Variants in PCNX2 observed in about 807,000 individuals in gnomAD.
The protein encoded by PCNX2 is pecanex 2, also known as pecanex-like protein 2.
PCNX2 carries 168 observed loss-of-function variants against 223.8 expected under a neutral mutation model. The observed-to-expected ratio is 0.75, with a 90% CI of 0.66 to 0.85. PCNX2 has a LOEUF of 0.85. Ranked by LOEUF, PCNX2 falls within the 40% of genes least tolerant of loss-of-function variation. The probability of loss-of-function intolerance (pLI) is 0.00; values close to 1 mark genes in which losing one functional copy is unlikely to be tolerated. For missense variants in PCNX2, 2,507 were observed against 2,675.5 expected (o/e 0.94, Z 1.39); for synonymous variants, 1,006 against 1,052.6 (o/e 0.96, Z 0.86).
At chr1:233,076,488 C>G (rs1673103232) in intron 23 of PCNX2, among the ~76,000 whole-genome samples, 1 of 152,174 alleles carries the variant, frequency 6.6e-6, no homozygotes, top group African/African-American at 2.4e-5. Context: ...TGAGAAGACA[C>G]ATTCTCTGAA....
intron 4 of PCNX2, among the ~76,000 whole-genome samples, chr1:233,259,545 T>A (rs1229260482): frequency 6.6e-6 from 1 of 152,200 alleles, no homozygotes; most frequent in African/African-American, 2.4e-5. Context: ...CCATGGTGGT[T>A]TGGTGCACCT....
rs1678389767 is a variant in PCNX2, at chr1:233,160,288, A to T, written c.3512T>A (p.Val1171Glu). The T allele has an allele frequency of 6.2e-7, 1 of 1,608,518 alleles. No homozygotes were observed. The highest frequency in any genetic ancestry group is 1.4e-5 in the African/African-American group (1 of 73,404). Residue 1171 changes from valine (V) to glutamate (E), a missense_variant, in exon 19 of 34, where the codon GTG becomes GAG. Val to Glu is a moderately radical substitution (Grantham distance 121). Coordinates refer to ENST00000258229, the MANE Select transcript of PCNX2 (RefSeq NM_014801.4). ...ATGAGGGATATATTACTAACCTCTC[A>T]CTTCCCGTTGATGATACTCTTTGTT... ...LKNKEYHQRE[V>E]RDVAHLMWFE...
At position 233,236,847 on chromosome 1, in the gene PCNX2, G is replaced by A. The variant is rs760662776; in HGVS notation, c.2356C>T (p.Arg786Trp). Residue 786 changes from arginine (R) to tryptophan (W), a missense_variant and splice_region_variant, in exon 9 of 34, where the codon CGG becomes TGG. By Grantham distance (101) the Arg-to-Trp change is moderately radical (BLOSUM62 -3). Transcript: ENST00000258229. Reference protein sequence around the residue: ...VARRTQSETPRHVSQDLEASS... With the variant: ...VARRTQSETPWHVSQDLEASS... The stretch of plus-strand genomic sequence containing the variant: ...CAGCAATTCTGGAATGTACGTACCC[G>A]TGGGGTTTCCGACTGGGTCCTGCGA... The A allele has an allele frequency of 4.1e-5, 66 of 1,613,538 alleles. 1 individual carries two copies. The highest frequency in any genetic ancestry group is 3.2e-4 in the South Asian group (29 of 91,060).
chr1:233,046,292 G>A (rs1671820450), intron 25 of PCNX2, among the ~76,000 whole-genome samples: 1 of 152,098 alleles, frequency 6.6e-6, no homozygotes, highest in African/African-American at 2.4e-5. Context: ...CATTATTTTG[G>A]AAAACAGGAA....
intron 13 of PCNX2, among the ~76,000 whole-genome samples, chr1:233,205,229 T>C (rs1366181172): frequency 6.6e-6 from 1 of 152,212 alleles, no homozygotes; most frequent in African/African-American, 2.4e-5. Flanking sequence ...AGACACATCA[T>C]GCTCTTCATG....
intron 22 of PCNX2, among the ~76,000 whole-genome samples, chr1:233,091,791 ACTTT>A (rs1255404519): frequency 6.6e-6 from 1 of 150,880 alleles, no homozygotes; most frequent in Non-Finnish European, 1.5e-5. Flanking sequence ...TTTTTTTAAA[ACTTT>A]CTATTTACTC....
At chr1:233,232,853 T>C (rs1053711110) in intron 9 of PCNX2, 4 of 985,292 alleles carry the variant, frequency 4.1e-6, no homozygotes, top group Non-Finnish European at 4.8e-6. Flanking sequence ...TGCTTGACCG[T>C]CATGCTATCC....
intron 15 of PCNX2, among the ~76,000 whole-genome samples, chr1:233,195,829 C>A (rs750633652): frequency 2.6e-5 from 4 of 152,158 alleles, no homozygotes; most frequent in Non-Finnish European, 5.9e-5. Flanking sequence ...CAAAAAGTTA[C>A]AGTTAAGATG....
intron 13 of PCNX2, among the ~76,000 whole-genome samples, chr1:233,203,045 A>C (rs1286639690): frequency 6.6e-6 from 1 of 152,168 alleles, no homozygotes; most frequent in Non-Finnish European, 1.5e-5. Context: ...TATGGCTACA[A>C]AAGAGAATAA....
At chr1:233,044,800 C>G (rs1671772356) in intron 25 of PCNX2, among the ~76,000 whole-genome samples, 1 of 151,978 alleles carries the variant, frequency 6.6e-6, no homozygotes, top group Admixed American at 6.6e-5. Context: ...TCCCGAGTAG[C>G]TGTGATTACA....
At chr1:233,232,968 A>G in intron 9 of PCNX2, 1 of 985,430 alleles carries the variant, frequency 1.0e-6, no homozygotes, top group Non-Finnish European at 1.2e-6. Context: ...TTAATGTAAG[A>G]CAAGCTGAAT....
At chr1:233,111,522 C>T (rs146737285) in intron 21 of PCNX2, among the ~76,000 whole-genome samples, 2 of 152,238 alleles carry the variant, frequency 1.3e-5, no homozygotes, top group African/African-American at 4.8e-5. Flanking sequence ...GATCATCCCA[C>T]CTCAGCCTCC....
intron 23 of PCNX2, among the ~76,000 whole-genome samples, chr1:233,073,501 T>C (rs1672947375): frequency 6.6e-6 from 1 of 152,160 alleles, no homozygotes; most frequent in Non-Finnish European, 1.5e-5. Context: ...TCTCACTATG[T>C]TGCCCAGGCT....
chr1:233,200,324 G>T, intron 13 of PCNX2, 60 bp from the exon 14 acceptor site: 2 of 1,189,476 alleles, frequency 1.7e-6, no homozygotes, highest in Non-Finnish European at 2.4e-6. Context: ...CAAGGCTCCT[G>T]CTGCAGTGCT....
chr1:233,287,196 G>C (rs1167676781), intron 1 of PCNX2, among the ~76,000 whole-genome samples: 11 of 152,168 alleles, frequency 7.2e-5, no homozygotes, highest in Admixed American at 6.5e-4. Flanking sequence ...AAACACAAGA[G>C]GCTGTGTATA....
At chr1:233,041,645 G>A (rs1190274867) in intron 25 of PCNX2, among the ~76,000 whole-genome samples, 1 of 152,226 alleles carries the variant, frequency 6.6e-6, no homozygotes, top group Non-Finnish European at 1.5e-5. Flanking sequence ...TGGAGACTGG[G>A]AGCCTGCAGC....
chr1:233,265,654 T>C (rs1660293278), intron 1 of PCNX2, among the ~76,000 whole-genome samples: 1 of 152,212 alleles, frequency 6.6e-6, no homozygotes, highest in Non-Finnish European at 1.5e-5. Flanking sequence ...TTTTGAGTCA[T>C]TAAACCACTG....
chr1:233,275,150 C>T (rs1660844107), intron 1 of PCNX2, among the ~76,000 whole-genome samples: 1 of 152,166 alleles, frequency 6.6e-6, no homozygotes, highest in Non-Finnish European at 1.5e-5. Context: ...ATTTCAAAAA[C>T]ATTTCTAAAA....
At chr1:233,144,537 C>A (rs1677312303) in intron 19 of PCNX2, among the ~76,000 whole-genome samples, 1 of 152,158 alleles carries the variant, frequency 6.6e-6, no homozygotes, top group Non-Finnish European at 1.5e-5. Flanking sequence ...CACATCTTTG[C>A]CAAAATGTTT....
Sources: allele counts gnomAD v4.1 joint callset (sites outside exome capture counted in the v4.1 genomes callset), GRCh38; gene constraint gnomAD v4.1.1; transcripts MANE v1.5; gene names NCBI Gene and HGNC (gene_info 2026-07-23, HGNC 2026-07-21).